ACSM2B: variants seen among roughly 807,000 people sequenced by gnomAD.
ACSM2B encodes the protein acyl-coenzyme A synthetase ACSM2B, mitochondrial.
In ACSM2B, 58 loss-of-function variants were observed where a neutral mutation model predicts 78.6. The ratio of observed to expected loss-of-function variants is 0.74; its 90% confidence interval spans 0.60 to 0.92. ACSM2B has a LOEUF of 0.92. Ranked by LOEUF, ACSM2B falls within the 40% of genes least tolerant of loss-of-function variation. The pLI is 0.00. For missense variants in ACSM2B, 688 were observed against 711.2 expected (o/e 0.97, Z 0.37); for synonymous variants, 257 against 256.8 (o/e 1.00, Z -0.01).
In ACSM2B at chr16:20,555,312, C is replaced by CA; in HGVS notation, c.552dup (p.Glu185Ter). ...TTCAGCCACCCATCGCAGCTTTTCT[C>CA]AGACACCAGTAGCTTAATTCTCAGA... On this transcript the variant is annotated frameshift_variant, in exon 4 of 14. Transcript: ENST00000329697. LOFTEE classifies it high-confidence loss of function. 6.2e-7 allele frequency: 1 copy of CA among 1,613,888 alleles called. No individual in the cohort carries two copies. The highest frequency in any genetic ancestry group is 1.1e-5 in the South Asian group (1 of 91,074).
At position 20,543,782 on chromosome 16, in the gene ACSM2B, C is replaced by G. The variant is rs374232637; in HGVS notation, c.1282-520G>C. ...CTTATAAGTAATGAAAAGGCTTGAG[C>G]TTTATCCCTTGTCAGTGCATCTTCC... is the stretch of plus-strand genomic sequence containing the variant. On this transcript the variant is annotated intron_variant, in intron 10 of 13. Transcript: ENST00000329697. Among the ~76,000 whole-genome samples, 525 of 151,138 alleles carry G rather than the reference C, an allele frequency of 3.5e-3. 6 individuals are homozygous for G. The highest frequency in any genetic ancestry group is 0.017 in the South Asian group (80 of 4,656).
chr16:20,559,872 C>G (rs1390357890), intron 2 of ACSM2B, among the ~76,000 whole-genome samples: 2 of 150,998 alleles, frequency 1.3e-5, no homozygotes, highest in Non-Finnish European at 2.9e-5. Context: ...TGCATTCACT[C>G]TGTTGTGAGT....
chr16:20,537,396 T>C lies in ACSM2B; in HGVS notation c.1630-34A>G, dbSNP rs769797857. The C allele has an allele frequency of 1.7e-5, 27 of 1,610,550 alleles. No homozygotes were observed. The Admixed American group carries it at 2.8e-4, about 17-fold the overall frequency. The stretch of plus-strand genomic sequence containing the variant: ...AAACAAATCAGTCCAGGGTGGGTGA[T>C]CTGTGATGACAGTGGGTTGCATTTT... On this transcript the variant is annotated intron_variant, in intron 13 of 13. Transcript: ENST00000329697.
intron 1 of ACSM2B, among the ~76,000 whole-genome samples, chr16:20,566,088 T>C (rs2015818044): frequency 7.0e-6 from 1 of 143,650 alleles, no homozygotes; most frequent in South Asian, 2.2e-4. Flanking sequence ...ACTATGTATG[T>C]ATTATATAGT....
chr16:20,539,992 C>G (rs528309085), intron 13 of ACSM2B, among the ~76,000 whole-genome samples: 127 of 152,282 alleles, frequency 8.3e-4, no homozygotes, highest in African/African-American at 2.9e-3. Flanking sequence ...AAATGTCAAG[C>G]TAGATTTCTG....
intron 4 of ACSM2B, among the ~76,000 whole-genome samples, chr16:20,554,911 C>A (rs112161468): frequency 6.6e-6 from 1 of 152,354 alleles, no homozygotes; most frequent in Admixed American, 6.5e-5. Flanking sequence ...GGAACTCTGA[C>A]CCACTCTTCA....
chr16:20,543,017 C>A lies in ACSM2B; in HGVS notation c.1410-4G>T, dbSNP rs766142289. On this transcript the variant is annotated splice_polypyrimidine_tract_variant and splice_region_variant and intron_variant, in intron 11 of 13. Transcript: ENST00000329697. ...CTCCGAGGGTCCAATCCGGTACCTG[C>A]AGAAGAACCTGTCCTTCAGAGAACA... 22 of 1,613,500 alleles carry A rather than the reference C, an allele frequency of 1.4e-5. No individual in the cohort carries two copies. The highest frequency in any genetic ancestry group is 1.9e-5 in the Non-Finnish European group (22 of 1,179,882).
At chr16:20,569,548 T>A (rs1328088078) in intron 1 of ACSM2B, among the ~76,000 whole-genome samples, 1 of 152,048 alleles carries the variant, frequency 6.6e-6, no homozygotes, top group Admixed American at 6.6e-5. Flanking sequence ...TTGCTTTGGC[T>A]ATGATGACTC....
At chr16:20,574,877 G>A (rs916527527) in intron 1 of ACSM2B, among the ~76,000 whole-genome samples, 8 of 150,380 alleles carry the variant, frequency 5.3e-5, no homozygotes, top group Non-Finnish European at 1.0e-4. Flanking sequence ...TAGAATCCCC[G>A]AGTTCATCAT....
intron 1 of ACSM2B, chr16:20,574,238 C>A (rs974933479): frequency 2.6e-5 from 4 of 152,040 alleles, no homozygotes; most frequent in Admixed American, 2.6e-4. Context: ...TTCTGCCCGA[C>A]CCCGCAGGCA....
rs371192925 is a variant in ACSM2B at position 20,553,969 on chromosome 16, G to A, written c.597-49C>T. 2.2e-5 allele frequency: 35 copies of A among 1,609,720 alleles called. No homozygotes were observed. In the African/African-American group the frequency reaches 3.6e-4, roughly 17 times the overall value. ...TTTCTCAGATCTAGCCTGGACACCA[G>A]ATATCAAAGTGACCCATCTTTTCCC... On this transcript the variant is annotated intron_variant, in intron 4 of 13. Coordinates refer to ENST00000329697, the MANE Select transcript of ACSM2B (RefSeq NM_001105069.2).
intron 6 of ACSM2B, chr16:20,549,920 T>C: frequency 2.8e-6 from 1 of 362,438 alleles, no homozygotes. Flanking sequence ...AGATAAATAA[T>C]TGTGGAGACC....
intron 9 of ACSM2B, 142 bp from the exon 10 acceptor site, chr16:20,545,400 C>A: frequency 1.0e-6 from 1 of 958,660 alleles, no homozygotes; most frequent in South Asian, 2.2e-5. Context: ...CCAAGGGAAC[C>A]CAAGAGTCTT....
At chr16:20,553,469 T>G (rs1181010133) in intron 5 of ACSM2B, among the ~76,000 whole-genome samples, 1 of 152,164 alleles carries the variant, frequency 6.6e-6, no homozygotes, top group African/African-American at 2.4e-5. Context: ...ATTGCCAGCA[T>G]CCCAAAGAAC....
At position 20,542,832 on chromosome 16, in the gene ACSM2B, A is replaced by G. The variant is rs567990029; in HGVS notation, c.1509+82T>C. Reference sequence around the variant, plus strand: ...ATTGGGTCTCAGAGTGTTCAGCCCCACAGTCCCTGTTCTTAAACCATCATA... The same window carrying G: ...ATTGGGTCTCAGAGTGTTCAGCCCCGCAGTCCCTGTTCTTAAACCATCATA... On this transcript the variant is annotated intron_variant, in intron 12 of 13. Coordinates refer to ENST00000329697, the MANE Select transcript of ACSM2B (RefSeq NM_001105069.2). The G allele has an allele frequency of 8.0e-5, 125 of 1,557,042 alleles. No homozygotes were observed. In the African/African-American group the frequency reaches 1.5e-3, roughly 18 times the overall value.
At chr16:20,547,665 G>A (rs549884995) in intron 8 of ACSM2B, 10 of 1,085,196 alleles carry the variant, frequency 9.2e-6, no homozygotes, top group Non-Finnish European at 1.0e-5. Flanking sequence ...GCTTTGTACA[G>A]TGCTTGACAT....
rs544928595 is a variant in ACSM2B at position 20,544,763 on chromosome 16, A to C, written c.1281+394T>G. On this transcript the variant is annotated intron_variant, in intron 10 of 13. Coordinates refer to ENST00000329697, the MANE Select transcript of ACSM2B (RefSeq NM_001105069.2). ...CCTCCAACTAGATGGTGAAGTCTCAACGTAAAGTGCCTGGCATGGCTCTAA... is the reference window on the plus strand; with the variant it reads ...CCTCCAACTAGATGGTGAAGTCTCACCGTAAAGTGCCTGGCATGGCTCTAA... The C allele has an allele frequency of 3.0e-3, 2,934 of 985,304 alleles. 97 individuals are homozygous for C. The African/African-American group carries it at 0.049, about 16-fold the overall frequency. The allele number at this position is 985,304 out of a possible 1,614,324, so 61.0% of individuals were successfully genotyped here.
chr16:20,538,281 G>A (rs2014897484), intron 13 of ACSM2B, among the ~76,000 whole-genome samples: 1 of 152,178 alleles, frequency 6.6e-6, no homozygotes, highest in African/African-American at 2.4e-5. Context: ...ATGGAGCAGA[G>A]GTCAGCAAAC....
chr16:20,567,775 T>C (rs2015970023), intron 1 of ACSM2B, among the ~76,000 whole-genome samples: 1 of 140,608 alleles, frequency 7.1e-6, no homozygotes, highest in Admixed American at 7.7e-5. Flanking sequence ...TACAGATATA[T>C]ATAATATATA....
Sources: gnomAD v4.1 joint callset for allele counts (sites outside exome capture counted in the v4.1 genomes callset) on GRCh38, gnomAD v4.1.1 for gene constraint, MANE v1.5 for transcripts, NCBI Gene and HGNC (gene_info 2026-07-23, HGNC 2026-07-21) for gene names.